The following DST variants were observed in gnomAD, a reference collection of about 807,000 sequenced individuals.
DST encodes bullous pemphigoid antigen.
In DST, 253 loss-of-function variants were observed where a neutral mutation model predicts 875.2. That is an observed-to-expected ratio of 0.29 (90% confidence interval 0.26 to 0.32). The LOEUF is 0.32. Among genes scored for constraint, DST ranks in the 10% least tolerant of loss-of-function variants. DST has a pLI of 1.00. For synonymous variants in DST, 3,124 were observed against 3,197.1 expected (o/e 0.98, Z 0.77); for missense variants, 8,287 against 9,111.6 (o/e 0.91, Z 3.68).
Position 56,511,263 on chromosome 6 carries a change from A to C in DST, c.18714T>G (p.Ser6238Arg). The change falls in exon 73 of 104, where the codon AGT becomes AGG. Residue 6238 changes from serine to arginine, a missense_variant. Physicochemically the swap from Ser to Arg is moderately radical, Grantham distance 110. Coordinates refer to ENST00000680361, the MANE Select transcript of DST (RefSeq NM_001374736.1). ...EKYVAADTLY[S>R]QIKEDVKKRA... Reference sequence around the variant, plus strand: ...GCTTTTTGACATCTTCTTTAATTTGACTGTAAAGGGTGTCGGCTGCCACAT... The same window carrying C: ...GCTTTTTGACATCTTCTTTAATTTGCCTGTAAAGGGTGTCGGCTGCCACAT... 1 of 1,599,124 alleles carries C rather than the reference A, an allele frequency of 6.3e-7. No individual in the cohort carries two copies.
At chr6:56,755,983 C>T (rs766591325) in intron 4 of DST, among the ~76,000 whole-genome samples, 1 of 152,134 alleles carries the variant, frequency 6.6e-6, no homozygotes, top group African/African-American at 2.4e-5. Flanking sequence ...CCACTTCCAG[C>T]GATGACAGCA....
intron 37 of DST, among the ~76,000 whole-genome samples, chr6:56,612,801 GGGTACTA>G (rs1421935067): frequency 6.6e-6 from 1 of 152,136 alleles, no homozygotes; most frequent in Non-Finnish European, 1.5e-5. Context: ...AATGTATCTA[GGGTACTA>G]GGTCTAAATC....
chr6:56,797,506 A>G (rs59432342), intron 4 of DST, among the ~76,000 whole-genome samples: 25,311 of 152,194 alleles, frequency 0.17, 2,353 homozygotes, highest in Non-Finnish European at 0.19. Flanking sequence ...GCCAAGTTGT[A>G]AATTCAAAGG....
intron 5 of DST, among the ~76,000 whole-genome samples, chr6:56,719,419 TG>T (rs1325589817): frequency 6.6e-6 from 1 of 152,126 alleles, no homozygotes; most frequent in Admixed American, 6.5e-5. Flanking sequence ...AAAAAGCAAA[TG>T]GAAAGTCATG....
At chr6:56,935,543 T>C (rs1423888354) in intron 2 of DST, among the ~76,000 whole-genome samples, 1 of 152,262 alleles carries the variant, frequency 6.6e-6, no homozygotes, top group African/African-American at 2.4e-5. Context: ...TATGAAGTGA[T>C]ACATATTGTT....
intron 4 of DST, among the ~76,000 whole-genome samples, chr6:56,811,036 T>G (rs565241423): frequency 2.0e-5 from 3 of 151,490 alleles, no homozygotes; most frequent in African/African-American, 7.3e-5. Flanking sequence ...CTACAAAATT[T>G]AGCCAGGCAT....
At chr6:56,861,677 G>C (rs935083352) in intron 3 of DST, among the ~76,000 whole-genome samples, 1 of 152,148 alleles carries the variant, frequency 6.6e-6, no homozygotes, top group African/African-American at 2.4e-5. Context: ...TTTACCCCTA[G>C]AGGAAGCTAT....
intron 9 of DST, among the ~76,000 whole-genome samples, chr6:56,676,220 C>A (rs781277321): frequency 4.6e-5 from 7 of 152,180 alleles, no homozygotes; most frequent in Non-Finnish European, 1.0e-4. Context: ...GTGCCCACCA[C>A]CACACCTGGG....
chr6:56,654,652 A>G (rs1323423615), intron 10 of DST, among the ~76,000 whole-genome samples: 1 of 151,388 alleles, frequency 6.6e-6, no homozygotes, highest in Non-Finnish European at 1.5e-5. Context: ...ATTTATGTAT[A>G]GATAGATAGA....
chr6:56,942,326 G>A (rs1280158895), intron 2 of DST, among the ~76,000 whole-genome samples: 1 of 152,012 alleles, frequency 6.6e-6, no homozygotes, highest in African/African-American at 2.4e-5. Context: ...TGTAATTATT[G>A]ATATTATTAG....
At chr6:56,613,044 T>C (rs1011362850) in intron 37 of DST, among the ~76,000 whole-genome samples, 1 of 151,868 alleles carries the variant, frequency 6.6e-6, no homozygotes, top group African/African-American at 2.4e-5. Flanking sequence ...TATATATATA[T>C]ACACATGAAA....
intron 4 of DST, among the ~76,000 whole-genome samples, chr6:56,773,307 A>T (rs1047065567): frequency 4.6e-5 from 7 of 152,048 alleles, no homozygotes; most frequent in Non-Finnish European, 8.8e-5. Context: ...CTTGGACCTT[A>T]TAAGTTATTG....
intron 4 of DST, among the ~76,000 whole-genome samples, chr6:56,763,684 T>TACACACACACACACACACACACAC (rs553580754): frequency 8.5e-6 from 1 of 117,068 alleles, no homozygotes; most frequent in Non-Finnish European, 1.7e-5. Flanking sequence ...AAAATACCTA[T>TACACACACACACACACACACACAC]ACACACACAC....
rs555749699 is a variant in DST, at chr6:56,954,582, G to A, written c.6C>T (p.Ile2=). 1.3e-4 allele frequency: 173 copies of A among 1,357,778 alleles called. 1 individual carries two copies. The South Asian group carries it at 1.9e-3, about 15-fold the overall frequency. The allele number at this position is 1,357,778 out of a possible 1,614,324, so 84.1% of individuals were successfully genotyped here. A position where few individuals can be genotyped will look rare whatever the true frequency, so the allele number is the denominator to read the frequency against. Residue 2 remains isoleucine, a synonymous_variant, in exon 1 of 104, where the codon ATC becomes ATT. Transcript: ENST00000680361. ...TCAGCAAGACGAGGAAAGCCGCGGC[G>A]ATCATGGTGCGGGCGAGGCGAGGGC... M[I]AAAFLVLLRP... is the part of the protein sequence containing the mutation.
chr6:56,525,513 A>G (rs2096781621), intron 69 of DST, among the ~76,000 whole-genome samples: 1 of 152,196 alleles, frequency 6.6e-6, no homozygotes, highest in African/African-American at 2.4e-5. Context: ...AACATTAGAA[A>G]ATTAATTCTG....
intron 3 of DST, among the ~76,000 whole-genome samples, chr6:56,897,476 G>C (rs1047144686): frequency 6.6e-6 from 1 of 152,020 alleles, no homozygotes; most frequent in Admixed American, 6.6e-5. Flanking sequence ...GATTACAGGC[G>C]TGTGCCACCA....
intron 3 of DST, among the ~76,000 whole-genome samples, chr6:56,888,258 T>C (rs920452721): frequency 1.4e-4 from 22 of 152,126 alleles, no homozygotes; most frequent in Admixed American, 3.9e-4. Context: ...ATAAATGAAA[T>C]CTTTTATAAA....
rs1184932904 is a variant in DST, at chr6:56,843,698, G to GGGAGGGA, written c.625+7692_625+7698dup. 2.3e-4 allele frequency: 217 copies of GGGAGGGA among 936,074 alleles called. 16 individuals are homozygous for GGGAGGGA. Among genetic ancestry groups the GGGAGGGA allele is most frequent in the Admixed American group, 1.1e-3 (18 of 15,792 alleles). The allele number at this position is 936,074 out of a possible 1,614,324, so 58.0% of individuals were successfully genotyped here. On this transcript the variant is annotated intron_variant, in intron 4 of 103. Coordinates refer to ENST00000680361, the MANE Select transcript of DST (RefSeq NM_001374736.1). The stretch of plus-strand genomic sequence containing the variant: ...GACACTCGCCCGCGCCGGGGAGAGA[G>GGGAGGGA]GGAGGGAGGAGGGTGGAGGGTGGAG...
At position 56,740,074 on chromosome 6, in the gene DST, C is replaced by T. The variant is rs192959823; in HGVS notation, c.626-4785G>A. Among the ~76,000 whole-genome samples the T allele has an allele frequency of 7.9e-5, 12 of 152,246 alleles. No individual in the cohort carries two copies. The East Asian group carries it at 2.1e-3, about 27-fold the overall frequency. On this transcript the variant is annotated intron_variant, in intron 4 of 103. Coordinates refer to ENST00000680361, the MANE Select transcript of DST (RefSeq NM_001374736.1). ...TTTCGCCATGTTAGCCAGGTTGGTT[C>T]CAAACTCCTGACCTCAGGTGATCCT...
Sources: gnomAD v4.1 joint callset for allele counts (sites outside exome capture counted in the v4.1 genomes callset) on GRCh38, gnomAD v4.1.1 for gene constraint, MANE v1.5 for transcripts, NCBI Gene and HGNC (gene_info 2026-07-23, HGNC 2026-07-21) for gene names.